CRBN: variants seen among roughly 807,000 people sequenced by gnomAD.
The protein encoded by CRBN is protein cereblon.
In CRBN, 53 loss-of-function variants were observed where a neutral mutation model predicts 62.2. The observed-to-expected ratio is 0.85, with a 90% CI of 0.68 to 1.07. CRBN has a LOEUF of 1.07. Among genes scored for constraint, CRBN ranks in the 50% least tolerant of loss-of-function variants. The pLI is 0.00. For missense variants in CRBN, 616 were observed against 531.1 expected, an observed-to-expected ratio of 1.16 and a Z score of -1.57; for synonymous variants, 208 against 176.1, an observed-to-expected ratio of 1.18 and a Z score of -1.43.
At chr3:3,153,160 T>C in intron 9 of CRBN, 1 of 422,878 alleles carries the variant, frequency 2.4e-6, no homozygotes, top group South Asian at 2.3e-5. Context: ...ATATAGATTG[T>C]CAACAAGAAT....
intron 5 of CRBN, among the ~76,000 whole-genome samples, chr3:3,165,096 G>C (rs188397330): frequency 6.6e-6 from 1 of 152,178 alleles, no homozygotes; most frequent in African/African-American, 2.4e-5. Flanking sequence ...GAAACAAAAA[G>C]AGAACTAAAG....
At chr3:3,153,294 T>C (rs1559242206) in intron 9 of CRBN, 130 bp downstream of exon 9, 4 of 636,320 alleles carry the variant, frequency 6.3e-6, no homozygotes, top group Non-Finnish European at 1.1e-5. Context: ...AGTGAGCTAA[T>C]TCCCTATATT....
chr3:3,173,302 C>A (rs1314654460), intron 3 of CRBN, among the ~76,000 whole-genome samples: 2 of 152,146 alleles, frequency 1.3e-5, no homozygotes, highest in African/African-American at 4.8e-5. Context: ...AGGTGATCCA[C>A]CCGCCTCGGC....
At chr3:3,159,949 A>T (rs572303179) in intron 5 of CRBN, among the ~76,000 whole-genome samples, 1 of 152,338 alleles carries the variant, frequency 6.6e-6, no homozygotes, top group East Asian at 1.9e-4. Flanking sequence ...GATTGATGTC[A>T]TAAAATGGTT....
intron 7 of CRBN, chr3:3,154,291 C>A: frequency 3.6e-6 from 2 of 550,396 alleles, no homozygotes; most frequent in Non-Finnish European, 6.5e-6. Flanking sequence ...TGGTAAAATC[C>A]TTTTATGTTA....
chr3:3,152,598 GAATC>G lies in CRBN; in HGVS notation c.1017-15_1017-12del. ...CCACATAAGGATAAACTAAAACAAAGAATCAACATGGAGAACACGTCAAAACGAG... is the reference window on the plus strand; with the variant it reads ...CCACATAAGGATAAACTAAAACAAAGAACATGGAGAACACGTCAAAACGAG... On this transcript the variant is annotated splice_polypyrimidine_tract_variant and intron_variant, in intron 9 of 10. Coordinates refer to ENST00000231948, the MANE Select transcript of CRBN (RefSeq NM_016302.4). 1 of 1,613,842 alleles carries G rather than the reference GAATC, an allele frequency of 6.2e-7. No individual in the cohort carries two copies.
intron 4 of CRBN, 28 bp from the exon 5 acceptor site, chr3:3,167,821 T>C (rs754206636): frequency 1.2e-6 from 2 of 1,610,184 alleles, no homozygotes; most frequent in Non-Finnish European, 8.5e-7. Context: ...AAGCATGGTA[T>C]TCATTTCTAA....
intron 10 of CRBN, among the ~76,000 whole-genome samples, chr3:3,151,601 AT>A (rs1269940703): frequency 6.6e-6 from 1 of 152,144 alleles, no homozygotes; most frequent in African/African-American, 2.4e-5. Flanking sequence ...CTGTTTCCTT[AT>A]TTTTTTCCCT....
At chr3:3,156,636 G>A in intron 5 of CRBN, 1 of 262,028 alleles carries the variant, frequency 3.8e-6, no homozygotes, top group Non-Finnish European at 7.3e-6. Context: ...TATCTGAAGT[G>A]AAAACCTCAA....
At position 3,152,569 on chromosome 3, in the gene CRBN, C is replaced by G; in HGVS notation, c.1035G>C (p.Pro345=). ...CATGAGGATTCACATAAGCTGCCAT[C>G]GGCCCACATAAGGATAAACTAAAAC... The part of the protein sequence containing the change: ...NEIFSLSLCG[P]MAAYVNPHGY... Residue 345 remains proline (P), a synonymous_variant, in exon 10 of 11, where the codon CCG becomes CCC. Coordinates refer to ENST00000231948, the MANE Select transcript of CRBN (RefSeq NM_016302.4). 2 of 1,614,052 alleles carry G rather than the reference C, an allele frequency of 1.2e-6. No homozygotes were observed. Among genetic ancestry groups the G allele is most frequent in the Non-Finnish European group, 1.7e-6 (2 of 1,179,994 alleles).
In CRBN at chr3:3,150,983, G is replaced by C; in HGVS notation, c.1211C>G (p.Ala404Gly). 6.2e-7 allele frequency: 1 copy of C among 1,613,960 alleles called. No individual in the cohort carries two copies. Among genetic ancestry groups the C allele is most frequent in the Non-Finnish European group, 8.5e-7 (1 of 1,179,962 alleles). Residue 404 changes from alanine to glycine, a missense_variant, in exon 11 of 11, where the codon GCC becomes GGC. By Grantham distance (60) the Ala-to-Gly change is moderately conservative. Coordinates refer to ENST00000231948, the MANE Select transcript of CRBN (RefSeq NM_016302.4). ...CASHIGWKFT[A>G]TKKDMSPQKF... ...TTGAGGTGACATGTCTTTTTTGGTG[G>C]CCGTAAACTTCCATCCAATATGGCT... is the stretch of plus-strand genomic sequence containing the variant.
At chr3:3,151,828 C>CAAACAAAA (rs57199549) in intron 10 of CRBN, among the ~76,000 whole-genome samples, 4 of 42,596 alleles carry the variant, frequency 9.4e-5, no homozygotes, top group African/African-American at 2.9e-4. Context: ...TAAGCTGAAG[C>CAAACAAAA]AAACAAACAA....
intron 5 of CRBN, among the ~76,000 whole-genome samples, chr3:3,165,964 C>T (rs1707310878): frequency 6.6e-6 from 1 of 152,126 alleles, no homozygotes; most frequent in South Asian, 2.1e-4. Context: ...TGACAGTGAT[C>T]ACTGACATAC....
intron 5 of CRBN, among the ~76,000 whole-genome samples, chr3:3,159,627 T>C (rs991134013): frequency 6.6e-6 from 1 of 152,232 alleles, no homozygotes; most frequent in African/African-American, 2.4e-5. Context: ...AGGTAGCTTC[T>C]TTTCAGAGTC....
Position 3,174,050 on chromosome 3 carries a change from A to G in CRBN, c.377+9T>C, listed in dbSNP as rs1707731489. The G allele has an allele frequency of 6.2e-7, 1 of 1,610,790 alleles. No individual in the cohort carries two copies. Among genetic ancestry groups the G allele is most frequent in the Non-Finnish European group, 8.5e-7 (1 of 1,177,042 alleles). On this transcript the variant is annotated intron_variant, in intron 3 of 10. Transcript: ENST00000231948. ...GAATGTATTAAGCAAATGGACTCTAATATTTTACCTGTATGCAAGAACAGC... is the reference window on the plus strand; with the variant it reads ...GAATGTATTAAGCAAATGGACTCTAGTATTTTACCTGTATGCAAGAACAGC...
intron 5 of CRBN, among the ~76,000 whole-genome samples, chr3:3,165,424 T>C (rs1277936718): frequency 6.6e-6 from 1 of 152,180 alleles, no homozygotes; most frequent in Non-Finnish European, 1.5e-5. Context: ...CAAACTTCGT[T>C]GCTGTCTTAA....
At position 3,172,919 on chromosome 3, in the gene CRBN, T is replaced by C; in HGVS notation, c.384A>G (p.Val128=). The change falls in exon 4 of 11, where the codon GTA becomes GTG. Residue 128 remains valine, a synonymous_variant. Coordinates refer to ENST00000231948, the MANE Select transcript of CRBN (RefSeq NM_016302.4). ...TTCCAAACTGTGCTTCCCTTTCCTG[T>C]ACATTGCTTCCAAGAAAATTTTAAA... is the stretch of plus-strand genomic sequence containing the variant. ...RTFAVLAYSN[V]QEREAQFGTT... is the part of the protein sequence containing the mutation. 1 of 1,613,552 alleles carries C rather than the reference T, an allele frequency of 6.2e-7. No individual in the cohort carries two copies. The highest frequency in any genetic ancestry group is 8.5e-7 in the Non-Finnish European group (1 of 1,179,474).
intron 5 of CRBN, among the ~76,000 whole-genome samples, chr3:3,162,352 TC>T (rs1707176364): frequency 6.6e-6 from 1 of 151,998 alleles, no homozygotes; most frequent in African/African-American, 2.4e-5. Flanking sequence ...GTAGGGGGAT[TC>T]TCAAATCCCC....
At chr3:3,168,149 C>T (rs1707426510) in intron 4 of CRBN, among the ~76,000 whole-genome samples, 1 of 151,998 alleles carries the variant, frequency 6.6e-6, no homozygotes, top group Admixed American at 6.5e-5. Flanking sequence ...CTTAAACATT[C>T]TTAAGACACC....
Sources: gnomAD v4.1 joint callset for allele counts (sites outside exome capture counted in the v4.1 genomes callset) on GRCh38, gnomAD v4.1.1 for gene constraint, MANE v1.5 for transcripts, NCBI Gene and HGNC (gene_info 2026-07-23, HGNC 2026-07-21) for gene names.